The following AKAP13 variants were observed in gnomAD, a reference collection of about 807,000 sequenced individuals.
The protein encoded by AKAP13 is A-kinase anchor protein 13.
Under a neutral mutation model 264.5 loss-of-function variants are expected in AKAP13, and 80 were observed. The ratio of observed to expected loss-of-function variants is 0.30; its 90% CI spans 0.25 to 0.36. The LOEUF (loss-of-function observed/expected upper bound fraction) is 0.36. AKAP13 is among the 10% of genes least tolerant of loss of function. The pLI is 1.00. For synonymous variants in AKAP13, 1,380 were observed against 1,250.2 expected (o/e 1.10, Z -2.19); for missense variants, 3,712 against 3,435.2 (o/e 1.08, Z -2.01).
At chr15:85,484,029 C>A (rs891399692) in intron 1 of AKAP13, among the ~76,000 whole-genome samples, 5 of 152,022 alleles carry the variant, frequency 3.3e-5, no homozygotes, top group African/African-American at 1.2e-4. Context: ...GATATTTCTT[C>A]TGCTTGATGC....
intron 17 of AKAP13, among the ~76,000 whole-genome samples, chr15:85,701,699 T>C (rs1206230012): frequency 6.6e-6 from 1 of 151,580 alleles, no homozygotes; most frequent in Non-Finnish European, 1.5e-5. Flanking sequence ...CTCCTCAGGC[T>C]CCCAAAGTGT....
chr15:85,420,547 T>C (rs973347186), intron 1 of AKAP13, among the ~76,000 whole-genome samples: 1 of 152,162 alleles, frequency 6.6e-6, no homozygotes, highest in Admixed American at 6.5e-5. Context: ...CAAATACTCA[T>C]TGAAAGTTGA....
chr15:85,709,838 T>C (rs1177894231), intron 18 of AKAP13, among the ~76,000 whole-genome samples: 4 of 151,978 alleles, frequency 2.6e-5, no homozygotes, highest in Non-Finnish European at 5.9e-5. Flanking sequence ...CAGGTGCCCG[T>C]CACCATGCCC....
intron 8 of AKAP13, among the ~76,000 whole-genome samples, chr15:85,591,580 T>C (rs1401750296): frequency 2.6e-5 from 4 of 152,036 alleles, no homozygotes; most frequent in Admixed American, 2.6e-4. Context: ...AAGAATGATA[T>C]GATATTGAGC....
intron 1 of AKAP13, among the ~76,000 whole-genome samples, chr15:85,403,720 A>C (rs914505885): frequency 2.0e-5 from 3 of 151,934 alleles, no homozygotes; most frequent in Admixed American, 6.6e-5. Flanking sequence ...GCATGTCTGT[A>C]ATCCCAGCTA....
At chr15:85,404,571 A>G (rs1323526352) in intron 1 of AKAP13, among the ~76,000 whole-genome samples, 1 of 152,230 alleles carries the variant, frequency 6.6e-6, no homozygotes, top group East Asian at 1.9e-4. Flanking sequence ...TTTCAAGCTA[A>G]GTCTTGAAGG....
At position 85,632,879 on chromosome 15, in the gene AKAP13, T is replaced by G. The variant is rs544541848; in HGVS notation, c.4162-6495T>G. On this transcript the variant is annotated intron_variant, in intron 8 of 36. Coordinates refer to ENST00000394518, the MANE Select transcript of AKAP13 (RefSeq NM_007200.5). ...GTATTCTAAGAAATAAAATTTTTTT[T>G]TTTTTGAGGCGGAATCTTGCTCTGT... Among the ~76,000 whole-genome samples, 13 of 152,242 alleles carry G rather than the reference T, an allele frequency of 8.5e-5. No individual in the cohort carries two copies. In the South Asian group the frequency reaches 2.7e-3, roughly 32 times the overall value.
At chr15:85,576,010 C>T (rs570369486) in intron 6 of AKAP13, among the ~76,000 whole-genome samples, 1 of 152,216 alleles carries the variant, frequency 6.6e-6, no homozygotes, top group South Asian at 2.1e-4. Context: ...AAGGACTTTC[C>T]CCAAAGATTC....
chr15:85,527,214 T>C (rs151012381), intron 3 of AKAP13, among the ~76,000 whole-genome samples: 7,538 of 152,176 alleles, frequency 0.05, 362 homozygotes, highest in East Asian at 0.17. Context: ...CCGCCCGCCT[T>C]GGCCTCCCAC....
intron 17 of AKAP13, among the ~76,000 whole-genome samples, chr15:85,701,851 T>A (rs753802016): frequency 9.2e-5 from 14 of 152,178 alleles, no homozygotes; most frequent in Non-Finnish European, 1.9e-4. Context: ...ATTCTTTAAT[T>A]TGCATACCAC....
intron 8 of AKAP13, chr15:85,619,350 G>T: frequency 3.0e-6 from 3 of 984,770 alleles, no homozygotes; most frequent in Non-Finnish European, 3.6e-6. Context: ...GCTAGGGAGG[G>T]AAGGAGGGAG....
intron 8 of AKAP13, among the ~76,000 whole-genome samples, chr15:85,638,458 T>G (rs2082161803): frequency 6.6e-6 from 1 of 152,180 alleles, no homozygotes; most frequent in African/African-American, 2.4e-5. Context: ...ATGCTATTAT[T>G]GGGTGGAGTG....
intron 30 of AKAP13, among the ~76,000 whole-genome samples, chr15:85,732,533 T>C (rs2088125844): frequency 6.7e-6 from 1 of 150,234 alleles, no homozygotes; most frequent in African/African-American, 2.4e-5. Flanking sequence ...TATGAAAATT[T>C]ATATTTACAC....
chr15:85,713,469 C>T (rs1321210698), intron 19 of AKAP13, among the ~76,000 whole-genome samples: 1 of 151,472 alleles, frequency 6.6e-6, no homozygotes, highest in Non-Finnish European at 1.5e-5. Context: ...ATTTTATCCG[C>T]TCAGTGACCT....
chr15:85,664,827 G>T, intron 13 of AKAP13, 72 bp downstream of exon 13: 1 of 1,372,236 alleles, frequency 7.3e-7, no homozygotes, highest in Non-Finnish European at 1.0e-6. Context: ...CAAGGCTTCT[G>T]GTAGTATAAG....
intron 7 of AKAP13, chr15:85,583,073 A>G (rs1382486613): frequency 1.0e-6 from 1 of 985,466 alleles, no homozygotes; most frequent in Non-Finnish European, 1.2e-6. Context: ...TGAAGTCTTT[A>G]AAGGTCAGTT....
Position 85,741,130 on chromosome 15 carries a change from C to G in AKAP13, c.7693C>G (p.Pro2565Ala), listed in dbSNP as rs749759119. 5.0e-6 allele frequency: 8 copies of G among 1,613,530 alleles called. No individual in the cohort carries two copies. Among genetic ancestry groups the G allele is most frequent in the Non-Finnish European group, 2.5e-6 (3 of 1,179,860 alleles). Residue 2565 changes from proline (P) to alanine (A), a missense_variant, in exon 35 of 37, where the codon CCG (proline) becomes GCG (alanine). By Grantham distance (27) the Pro-to-Ala change is conservative. Transcript: ENST00000394518. The part of the protein sequence containing the change: ...ERALTRSLSR[P>A]SSLIEQEKQR... Reference sequence around the variant, plus strand: ...GGCGCTCACTCGCAGCTTGTCCCGCCCGAGCTCCCTCATTGAGCAGGAGAA... The same window carrying G: ...GGCGCTCACTCGCAGCTTGTCCCGCGCGAGCTCCCTCATTGAGCAGGAGAA...
Position 85,579,938 on chromosome 15 carries a change from G to T in AKAP13, c.1870G>T (p.Gly624Trp). Reference sequence around the variant, plus strand: ...GTCACCCTCAGATTTAGCCCTTCTTGGGCTGGAAGAAGATGTAATGCCACA... The same window carrying T: ...GTCACCCTCAGATTTAGCCCTTCTTTGGCTGGAAGAAGATGTAATGCCACA... Reference protein sequence around the residue: ...AMSPSDLALLGLEEDVMPHQN... With the variant: ...AMSPSDLALLWLEEDVMPHQN... Residue 624 changes from glycine (G) to tryptophan (W), a missense_variant, in exon 7 of 37, where the codon GGG becomes TGG. Transcript: ENST00000394518. 1 of 1,614,148 alleles carries T rather than the reference G, an allele frequency of 6.2e-7. No individual in the cohort carries two copies. Among genetic ancestry groups the T allele is most frequent in the South Asian group, 1.1e-5 (1 of 91,090 alleles).
At chr15:85,532,070 T>C (rs1453901980) in intron 3 of AKAP13, among the ~76,000 whole-genome samples, 4 of 152,234 alleles carry the variant, frequency 2.6e-5, no homozygotes, top group Non-Finnish European at 4.4e-5. Context: ...AGTCTCAGTT[T>C]CTCATCTATA....
Sources: allele counts gnomAD v4.1 joint callset (sites outside exome capture counted in the v4.1 genomes callset), GRCh38; gene constraint gnomAD v4.1.1; transcripts MANE v1.5; gene names NCBI Gene and HGNC (gene_info 2026-07-23, HGNC 2026-07-21).